The following PTPRN2 variants were observed in gnomAD, a reference collection of about 807,000 sequenced individuals.
PTPRN2 encodes receptor-type tyrosine-protein phosphatase N2.
A neutral mutation model predicts 118.8 loss-of-function variants in PTPRN2; 74 were observed. The observed-to-expected ratio is 0.62, with a 90% confidence interval of 0.52 to 0.76. PTPRN2 has a LOEUF of 0.76. Among genes scored for constraint, PTPRN2 ranks in the 30% least tolerant of loss-of-function variants. The pLI is 0.00. For synonymous variants in PTPRN2, 641 were observed against 608.0 expected, an observed-to-expected ratio of 1.05 and a Z score of -0.80; for missense variants, 1,481 against 1,394.4, an observed-to-expected ratio of 1.06 and a Z score of -0.99.
chr7:158,361,015 C>T (rs1306720903), intron 2 of PTPRN2, among the ~76,000 whole-genome samples: 1 of 35,856 alleles, frequency 2.8e-5, no homozygotes. Flanking sequence ...GATGCACAGA[C>T]CCCACATCCA....
intron 12 of PTPRN2, among the ~76,000 whole-genome samples, chr7:157,720,346 G>A (rs149679980): frequency 5.9e-5 from 9 of 152,270 alleles, no homozygotes; most frequent in African/African-American, 1.9e-4. Context: ...TCCAATGTCC[G>A]ACCTCTGGGG....
At chr7:158,183,674 G>T (rs1824905403) in intron 5 of PTPRN2, among the ~76,000 whole-genome samples, 1 of 152,182 alleles carries the variant, frequency 6.6e-6, no homozygotes, top group East Asian at 1.9e-4. Context: ...GACTTGGTAG[G>T]GTTAAGGTCC....
At position 158,312,297 on chromosome 7, in the gene PTPRN2, C is replaced by T. The variant is rs568346779; in HGVS notation, c.277+4522G>A. Among the ~76,000 whole-genome samples, 5 of 66,704 alleles carry T rather than the reference C, an allele frequency of 7.5e-5. No homozygotes were observed. In the Admixed American group the frequency reaches 7.5e-4, roughly 10 times the overall value. The allele number at this position is 66,704 out of a possible 152,430, so 43.8% of individuals were successfully genotyped here. ...ATGTAGACACGCACACATGCACACA[C>T]ATGTGCTCACACAGACACCCACACA... On this transcript the variant is annotated intron_variant, in intron 3 of 22. Coordinates refer to ENST00000389418, the MANE Select transcript of PTPRN2 (RefSeq NM_002847.5).
chr7:158,126,028 G>A (rs566280061), intron 9 of PTPRN2, among the ~76,000 whole-genome samples: 14 of 151,322 alleles, frequency 9.3e-5, no homozygotes, highest in East Asian at 2.0e-4. Context: ...AGCGGGCGGC[G>A]GAACTTCCTC....
intron 11 of PTPRN2, among the ~76,000 whole-genome samples, chr7:158,061,453 G>C: frequency 6.6e-6 from 1 of 152,188 alleles, no homozygotes; most frequent in East Asian, 1.9e-4. Flanking sequence ...CAACACAAGC[G>C]CTCGGCAGAG....
At chr7:157,878,832 C>T (rs1795946749) in intron 12 of PTPRN2, among the ~76,000 whole-genome samples, 1 of 103,112 alleles carries the variant, frequency 9.7e-6, no homozygotes, top group African/African-American at 4.0e-5. Flanking sequence ...TGATACCGTG[C>T]ACCCACACTT....
intron 11 of PTPRN2, among the ~76,000 whole-genome samples, chr7:157,975,519 G>A (rs1001862654): frequency 3.3e-5 from 5 of 152,018 alleles, no homozygotes; most frequent in Admixed American, 6.5e-5. Flanking sequence ...ATATTCCCAC[G>A]GCCCCACGAG....
chr7:158,369,047 G>T (rs536598515), intron 2 of PTPRN2, among the ~76,000 whole-genome samples: 2 of 152,078 alleles, frequency 1.3e-5, no homozygotes, highest in African/African-American at 2.4e-5. Context: ...GGCATGGCCA[G>T]AATATAAAGC....
At chr7:157,880,092 C>T (rs867033640) in intron 12 of PTPRN2, among the ~76,000 whole-genome samples, 5 of 152,120 alleles carry the variant, frequency 3.3e-5, no homozygotes, top group Admixed American at 1.3e-4. Context: ...CATGTGTTAA[C>T]GAGGGATTAA....
chr7:157,822,713 A>G (rs914840777), intron 12 of PTPRN2, among the ~76,000 whole-genome samples: 4 of 151,610 alleles, frequency 2.6e-5, no homozygotes, highest in Non-Finnish European at 5.9e-5. Flanking sequence ...TCTTCTATCC[A>G]CCCATCCACT....
At chr7:158,107,608 G>T (rs1345455830) in intron 10 of PTPRN2, among the ~76,000 whole-genome samples, 2 of 152,074 alleles carry the variant, frequency 1.3e-5, no homozygotes, top group African/African-American at 2.4e-5. Flanking sequence ...GTTTCCATGG[G>T]CAGGCATCAC....
At chr7:158,365,285 C>T (rs932533720) in intron 2 of PTPRN2, among the ~76,000 whole-genome samples, 1 of 152,200 alleles carries the variant, frequency 6.6e-6, no homozygotes, top group East Asian at 1.9e-4. Context: ...CGGAGGCCAG[C>T]GGGGCTGGAG....
chr7:157,702,953 G>A (rs911059176), intron 12 of PTPRN2, among the ~76,000 whole-genome samples: 16 of 152,172 alleles, frequency 1.1e-4, no homozygotes, highest in South Asian at 2.1e-4. Flanking sequence ...GTTGGAGACC[G>A]GTCTTAGGAA....
At chr7:157,914,862 T>A (rs1398722526) in intron 11 of PTPRN2, among the ~76,000 whole-genome samples, 2 of 152,204 alleles carry the variant, frequency 1.3e-5, no homozygotes, top group Admixed American at 6.5e-5. Flanking sequence ...TTTGTCTCTG[T>A]GGGCTGCGTT....
chr7:158,438,639 G>A lies in PTPRN2; in HGVS notation c.163+51096C>T, dbSNP rs968812988. ...AGCCAAGAGAAGGTCAGTTCTGATCGTTGTTGATTTTCCTGGAATTTGCTA... is the reference window on the plus strand; with the variant it reads ...AGCCAAGAGAAGGTCAGTTCTGATCATTGTTGATTTTCCTGGAATTTGCTA... On this transcript the variant is annotated intron_variant, in intron 2 of 22. Coordinates refer to ENST00000389418, the MANE Select transcript of PTPRN2 (RefSeq NM_002847.5). This position sits in a 1 kb window ranked among gnomAD's most constrained non-coding sequence, Gnocchi z 4.7. Among the ~76,000 whole-genome samples the A allele has an allele frequency of 5.9e-5, 9 of 152,140 alleles. No individual in the cohort carries two copies. Among genetic ancestry groups the A allele is most frequent in the African/African-American group, 1.7e-4 (7 of 41,420 alleles).
Position 157,587,381 on chromosome 7 carries a change from G to T in PTPRN2, c.2496+7857C>A, listed in dbSNP as rs1264336593. Among the ~76,000 whole-genome samples, 1 of 152,218 alleles carries T rather than the reference G, an allele frequency of 6.6e-6. No individual in the cohort carries two copies. The highest frequency in any genetic ancestry group is 1.5e-5 in the Non-Finnish European group (1 of 68,038). ...CACCTCGGCCTTGTCACCGGTGGCT[G>T]GCAGGCAGTTGGAAGGAAACACCGT... On this transcript the variant is annotated intron_variant, in intron 17 of 22. Transcript: ENST00000389418. This position sits in a 1 kb window ranked among gnomAD's most constrained non-coding sequence, Gnocchi z 5.3.
intron 2 of PTPRN2, among the ~76,000 whole-genome samples, chr7:158,466,287 C>A (rs932342842): frequency 1.5e-4 from 23 of 152,294 alleles, no homozygotes; most frequent in African/African-American, 5.3e-4. Flanking sequence ...CAGCTTCCTA[C>A]CCTCTCATCC....
At chr7:158,140,724 G>A (rs1222053084) in intron 6 of PTPRN2, among the ~76,000 whole-genome samples, 1 of 152,226 alleles carries the variant, frequency 6.6e-6, no homozygotes, top group Non-Finnish European at 1.5e-5. Context: ...GTGCCGTGCA[G>A]CGTGGCCGCT....
At chr7:157,768,573 G>A (rs1802622447) in intron 12 of PTPRN2, among the ~76,000 whole-genome samples, 1 of 152,120 alleles carries the variant, frequency 6.6e-6, no homozygotes, top group South Asian at 2.1e-4. Flanking sequence ...AGGCCAAGGG[G>A]GCTGCGACGC....
Sources: allele counts gnomAD v4.1 joint callset (sites outside exome capture counted in the v4.1 genomes callset), GRCh38; gene constraint gnomAD v4.1.1; non-coding constraint Gnocchi (gnomAD v3.1); transcripts MANE v1.5; gene names NCBI Gene and HGNC (gene_info 2026-07-23, HGNC 2026-07-21).